The following SPICE1 variants were observed in gnomAD, a reference collection of about 807,000 sequenced individuals.
SPICE1 encodes the protein spindle and centriole-associated protein 1.
In SPICE1, 75 loss-of-function variants were observed where a neutral mutation model predicts 102.7. The observed-to-expected ratio is 0.73, with a 90% CI of 0.61 to 0.88. The LOEUF is 0.88. Ranked by LOEUF, SPICE1 falls within the 40% of genes least tolerant of loss-of-function variation. The pLI is 0.00. For missense variants in SPICE1, 979 were observed against 1,020.1 expected (o/e 0.96, Z 0.55); for synonymous variants, 308 against 350.3 (o/e 0.88, Z 1.35).
At chr3:113,447,877 C>T (rs975174310) in intron 16 of SPICE1, among the ~76,000 whole-genome samples, 161 bp downstream of exon 16, 7 of 152,148 alleles carry the variant, frequency 4.6e-5, no homozygotes, top group Non-Finnish European at 8.8e-5. Context: ...CACTCCATTT[C>T]CCCTCAAAAT....
At chr3:113,481,983 C>T (rs571931974) in intron 7 of SPICE1, among the ~76,000 whole-genome samples, 23 of 152,246 alleles carry the variant, frequency 1.5e-4, no homozygotes, top group Non-Finnish European at 3.1e-4. Flanking sequence ...CTTGAGGAAT[C>T]GCCACACTGT....
Position 113,445,250 on chromosome 3 carries a change from G to A in SPICE1, c.*57C>T. 1.4e-6 allele frequency: 2 copies of A among 1,413,846 alleles called. No individual in the cohort carries two copies. Among genetic ancestry groups the A allele is most frequent in the South Asian group, 2.5e-5 (2 of 81,324 alleles). The allele number at this position is 1,413,846 out of a possible 1,614,324, so 87.6% of individuals were successfully genotyped here. Reference sequence around the variant, plus strand: ...AGGATATAAAAACTTAAAAGTCAGAGCAGGGAAAGGGAAGTAATAAATTAT... The same window carrying A: ...AGGATATAAAAACTTAAAAGTCAGAACAGGGAAAGGGAAGTAATAAATTAT... On this transcript the variant is annotated 3_prime_UTR_variant, in exon 18 of 18. Transcript: ENST00000295872.
chr3:113,458,474 G>A (rs1411768033), intron 12 of SPICE1, among the ~76,000 whole-genome samples: 9 of 152,172 alleles, frequency 5.9e-5, no homozygotes, highest in South Asian at 2.1e-4. Flanking sequence ...TTGGCCTCCC[G>A]AGGTGCCGGG....
At chr3:113,505,897 C>A (rs552736616) in intron 2 of SPICE1, among the ~76,000 whole-genome samples, 62 of 151,752 alleles carry the variant, frequency 4.1e-4, no homozygotes, top group Non-Finnish European at 2.4e-4. Context: ...CAGGACATGA[C>A]CCTGTCTCTT....
intron 12 of SPICE1, chr3:113,459,819 T>A: frequency 1.5e-5 from 14 of 935,332 alleles, no homozygotes; most frequent in Non-Finnish European, 1.8e-5. Flanking sequence ...AAGGCGGAGG[T>A]TGCAGTAAGC....
intron 13 of SPICE1, among the ~76,000 whole-genome samples, chr3:113,454,594 T>G (rs1935738480): frequency 6.6e-6 from 1 of 151,974 alleles, no homozygotes; most frequent in Non-Finnish European, 1.5e-5. Flanking sequence ...TGCACGGCTG[T>G]AATCCCAGCT....
At chr3:113,477,356 A>G (rs1004346426) in intron 7 of SPICE1, among the ~76,000 whole-genome samples, 4 of 152,080 alleles carry the variant, frequency 2.6e-5, no homozygotes, top group African/African-American at 9.7e-5. Context: ...AACTAGTTCA[A>G]CCATTGTGGA....
intron 12 of SPICE1, among the ~76,000 whole-genome samples, chr3:113,458,385 G>GT (rs1253057462): frequency 6.6e-6 from 1 of 152,176 alleles, no homozygotes; most frequent in Non-Finnish European, 1.5e-5. Flanking sequence ...ACTGGTTTTC[G>GT]TATTTTTTGG....
intron 3 of SPICE1, among the ~76,000 whole-genome samples, chr3:113,502,176 G>A (rs866438908): frequency 6.6e-6 from 1 of 152,098 alleles, no homozygotes; most frequent in African/African-American, 2.4e-5. Flanking sequence ...AGGAGTTCGA[G>A]ACCAGCCTGG....
chr3:113,477,229 C>T (rs1272911815), intron 7 of SPICE1, among the ~76,000 whole-genome samples: 1 of 152,088 alleles, frequency 6.6e-6, no homozygotes, highest in Non-Finnish European at 1.5e-5. Flanking sequence ...ATCAAAACCA[C>T]AATGAGATAT....
At chr3:113,509,276 C>T (rs1937172939) in intron 1 of SPICE1, among the ~76,000 whole-genome samples, 1 of 152,080 alleles carries the variant, frequency 6.6e-6, no homozygotes, top group Non-Finnish European at 1.5e-5. Flanking sequence ...AATAGTTATT[C>T]AAAGACATGA....
chr3:113,493,522 C>T (rs184240959), intron 5 of SPICE1, among the ~76,000 whole-genome samples: 98 of 152,294 alleles, frequency 6.4e-4, no homozygotes, highest in African/African-American at 1.9e-3. Flanking sequence ...AGTACAATTA[C>T]TATTTTACAG....
intron 7 of SPICE1, among the ~76,000 whole-genome samples, chr3:113,485,379 GC>G: frequency 6.6e-6 from 1 of 152,184 alleles, no homozygotes; most frequent in East Asian, 1.9e-4. Context: ...AACCTGGGAC[GC>G]TCGAGCTTGG....
chr3:113,472,816 TAAA>T (rs940659328), intron 7 of SPICE1, among the ~76,000 whole-genome samples: 17 of 151,936 alleles, frequency 1.1e-4, no homozygotes, highest in African/African-American at 3.4e-4. Context: ...CAAAAGTAGC[TAAA>T]ACCACAAAGA....
Position 113,468,415 on chromosome 3 carries a change from G to C in SPICE1, c.890-11C>G, listed in dbSNP as rs1378238264. ...TCGGTTTCCTTTTCACTGATAATGA[G>C]AGAAGTCATTCTATTTTAAGACCAG... On this transcript the variant is annotated splice_polypyrimidine_tract_variant and intron_variant, in intron 9 of 17. Coordinates refer to ENST00000295872, the MANE Select transcript of SPICE1 (RefSeq NM_144718.4). 5 of 1,608,102 alleles carry C rather than the reference G, an allele frequency of 3.1e-6. No individual in the cohort carries two copies. Among genetic ancestry groups the C allele is most frequent in the African/African-American group, 2.7e-5 (2 of 74,700 alleles).
chr3:113,477,843 A>G (rs1369116579), intron 7 of SPICE1, among the ~76,000 whole-genome samples: 2 of 151,508 alleles, frequency 1.3e-5, no homozygotes, highest in Non-Finnish European at 2.9e-5. Flanking sequence ...GCTAAATGAC[A>G]AGTTAATGGG....
intron 6 of SPICE1, among the ~76,000 whole-genome samples, chr3:113,489,579 C>T (rs1230993239): frequency 6.6e-6 from 1 of 152,170 alleles, no homozygotes; most frequent in Non-Finnish European, 1.5e-5. Flanking sequence ...GGTGTGGTGG[C>T]TCATGCCTAA....
chr3:113,460,500 C>A, intron 12 of SPICE1, 117 bp downstream of exon 12: 1 of 1,450,588 alleles, frequency 6.9e-7, no homozygotes, highest in Non-Finnish European at 9.1e-7. Context: ...AGTGACAATA[C>A]TGTACATGCA....
chr3:113,473,945 TTAAATG>T, intron 7 of SPICE1, among the ~76,000 whole-genome samples: 1 of 152,092 alleles, frequency 6.6e-6, no homozygotes, highest in South Asian at 2.1e-4. Context: ...AATATTAACT[TTAAATG>T]TAAACGGACT....
Sources: allele counts gnomAD v4.1 joint callset (sites outside exome capture counted in the v4.1 genomes callset), GRCh38; gene constraint gnomAD v4.1.1; transcripts MANE v1.5; gene names NCBI Gene and HGNC (gene_info 2026-07-23, HGNC 2026-07-21).